RTL1: variants seen among roughly 807,000 people sequenced by gnomAD.
The protein encoded by RTL1 is retrotransposon Gag like 1.
For synonymous variants in RTL1, 727 were observed against 748.4 expected, an observed-to-expected ratio of 0.97 and a Z score of 0.47; for missense variants, 1,681 against 1,767.5, an observed-to-expected ratio of 0.95 and a Z score of 0.88.
At chr14:100,903,459 T>C (rs1273107734) in intron 1 of RTL1, among the ~76,000 whole-genome samples, 73 bp from the exon 2 acceptor site, 3 of 151,990 alleles carry the variant, frequency 2.0e-5, no homozygotes, top group Non-Finnish European at 4.4e-5. Context: ...GGCATGGAGA[T>C]TTATGGAGCC....
rs771651525 is a variant in RTL1, at chr14:100,883,996, C to T, written c.793G>A (p.Gly265Arg). The change falls in exon 4 of 4, where the codon GGA becomes AGA. Residue 265 changes from glycine to arginine, a missense_variant. Gly to Arg is a moderately radical substitution (Grantham distance 125). Coordinates refer to ENST00000649591, the MANE Select transcript of RTL1 (RefSeq NM_001134888.3). The surrounding 1 kb of genome is among the most constrained non-coding windows in gnomAD (Gnocchi z 5.9). ...ALLQENSPLI[G>R]DFPAFLEAMS... is the part of the protein sequence containing the mutation. ...GCCTCCAGGAAGGCTGGGAAGTCTCCGATCAGGGGGCTGTTTTCCTGCAGT... is the reference window on the plus strand; with the variant it reads ...GCCTCCAGGAAGGCTGGGAAGTCTCTGATCAGGGGGCTGTTTTCCTGCAGT... 111 of 1,551,574 alleles carry T rather than the reference C, an allele frequency of 7.2e-5. No individual in the cohort carries two copies. The highest frequency in any genetic ancestry group is 9.2e-5 in the Non-Finnish European group (105 of 1,147,002).
Position 100,880,833 on chromosome 14 carries a change from C to A in RTL1, c.3956G>T (p.Ser1319Ile). The A allele has an allele frequency of 6.4e-7, 1 of 1,550,610 alleles. No homozygotes were observed. The highest frequency in any genetic ancestry group is 2.4e-5 in the East Asian group (1 of 40,866). Residue 1319 changes from serine to isoleucine, a missense_variant, in exon 4 of 4, where the codon AGC becomes ATC. Physicochemically the swap from Ser to Ile is moderately radical, Grantham distance 142. Transcript: ENST00000649591. ...CCTGTAGATCAGGGTCAGGAACTGG[C>A]TCAGGGCCCTGGCTGCCTGCTCCCG... is the stretch of plus-strand genomic sequence containing the variant. ...LSREQAARAL[S>I]QFLTLIYRRA...
intron 2 of RTL1, among the ~76,000 whole-genome samples, chr14:100,896,795 G>A (rs2140054890): frequency 6.6e-6 from 1 of 152,280 alleles, no homozygotes; most frequent in East Asian, 1.9e-4. Flanking sequence ...AGCTGTCAGG[G>A]GGCACAGTGA....
intron 2 of RTL1, among the ~76,000 whole-genome samples, chr14:100,898,421 G>T (rs2038898195): frequency 6.6e-6 from 1 of 152,188 alleles, no homozygotes; most frequent in East Asian, 1.9e-4. Flanking sequence ...TTAGAGATGG[G>T]GTGGTGGGTT....
At position 100,880,810 on chromosome 14, in the gene RTL1, T is replaced by C. The variant is rs1220714905; in HGVS notation, c.3979A>G (p.Arg1327Gly). 1.9e-6 allele frequency: 3 copies of C among 1,550,636 alleles called. No homozygotes were observed. The highest frequency in any genetic ancestry group is 2.6e-6 in the Non-Finnish European group (3 of 1,146,940). The change falls in exon 4 of 4, where the codon AGG becomes GGG. Residue 1327 changes from arginine to glycine, a missense_variant. Coordinates refer to ENST00000649591, the MANE Select transcript of RTL1 (RefSeq NM_001134888.3). ...CAGGCGGGGATGGGCAGGGCCCGCC[T>C]GTAGATCAGGGTCAGGAACTGGCTC... Reference protein sequence around the residue: ...ALSQFLTLIYRRALPIPAWES... With the variant: ...ALSQFLTLIYGRALPIPAWES...
In RTL1 at chr14:100,883,673, G is replaced by C; in HGVS notation, c.1116C>G (p.Pro372=). Residue 372 remains proline (P), a synonymous_variant, in exon 4 of 4, where the codon CCC becomes CCG. Coordinates refer to ENST00000649591, the MANE Select transcript of RTL1 (RefSeq NM_001134888.3). This position sits in a 1 kb window ranked among gnomAD's most constrained non-coding sequence, Gnocchi z 5.9. ...AGGTCAGGTTCCGGGGGCGGGCCTCGGGGGGCAGCCTGAGCATAGCTCTTC... is the reference window on the plus strand; with the variant it reads ...AGGTCAGGTTCCGGGGGCGGGCCTCCGGGGGCAGCCTGAGCATAGCTCTTC... ...AERRAMLRLP[P]EARPRNLTWI... is the part of the protein sequence containing the mutation. The C allele has an allele frequency of 6.4e-7, 1 of 1,551,418 alleles. No individual in the cohort carries two copies. The highest frequency in any genetic ancestry group is 8.7e-7 in the Non-Finnish European group (1 of 1,146,986).
chr14:100,885,039 G>A (rs2038679123), intron 3 of RTL1, among the ~76,000 whole-genome samples, 165 bp from the exon 4 acceptor site: 1 of 152,218 alleles, frequency 6.6e-6, no homozygotes, highest in Non-Finnish European at 1.5e-5. Flanking sequence ...TGGTCACTTG[G>A]GGTGCCCCCA....
In RTL1 at chr14:100,880,550, A is replaced by C; in HGVS notation, c.*162T>G. ...TTAGCACAGGTGGCATTGCTGGTTG[A>C]TGAGTTGAAGAAGTTGTTGCCCTTC... On this transcript the variant is annotated 3_prime_UTR_variant, in exon 4 of 4. Coordinates refer to ENST00000649591, the MANE Select transcript of RTL1 (RefSeq NM_001134888.3). 1 of 1,368,842 alleles carries C rather than the reference A, an allele frequency of 7.3e-7. No homozygotes were observed. The highest frequency in any genetic ancestry group is 9.7e-7 in the Non-Finnish European group (1 of 1,033,224). 84.8% of individuals were successfully genotyped at this position (1,368,842 alleles called of 1,614,324 possible).
In RTL1 at chr14:100,883,345, TAC is replaced by T; in HGVS notation, c.1442_1443del (p.Cys481TyrfsTer12). ...PVWLYTEPLV[C>X]IHQNHQESIE... ...ATGGACTCCTGGTGGTTCTGGTGGATACACACCAGGGGCTCCGTGTAGAGCCA... is the reference window on the plus strand; with the variant it reads ...ATGGACTCCTGGTGGTTCTGGTGGATACACCAGGGGCTCCGTGTAGAGCCA... On this transcript the variant is annotated frameshift_variant, in exon 4 of 4. Transcript: ENST00000649591. LOFTEE classifies it low-confidence loss of function (END_TRUNC). This position sits in a 1 kb window ranked among gnomAD's most constrained non-coding sequence, Gnocchi z 5.9. 6.4e-7 allele frequency: 1 copy of T among 1,551,332 alleles called. No individual in the cohort carries two copies. The highest frequency in any genetic ancestry group is 8.7e-7 in the Non-Finnish European group (1 of 1,146,866).
intron 3 of RTL1, among the ~76,000 whole-genome samples, chr14:100,887,431 C>T (rs891779581): frequency 2.0e-5 from 3 of 152,168 alleles, no homozygotes; most frequent in South Asian, 2.1e-4. Flanking sequence ...CTACCCAAGA[C>T]AAAATTTCTG....
At position 100,882,686 on chromosome 14, in the gene RTL1, C is replaced by T. The variant is rs2038635620; in HGVS notation, c.2103G>A (p.Gln701=). 3.9e-6 allele frequency: 6 copies of T among 1,551,796 alleles called. No homozygotes were observed. The highest frequency in any genetic ancestry group is 2.0e-5 in the Admixed American group (1 of 50,978). Residue 701 remains glutamine (Q), a synonymous_variant, in exon 4 of 4, where the codon CAG becomes CAA. Transcript: ENST00000649591. ...GLELEEMKSY[Q]PFALSPDPII... ...TAGGGTCTGGGGAGAGCGCAAACGG[C>T]TGGTAGCTCTTCATCTCTTCAAGCT... is the stretch of plus-strand genomic sequence containing the variant.
chr14:100,886,657 C>A (rs144663725), intron 3 of RTL1, among the ~76,000 whole-genome samples: 1 of 151,960 alleles, frequency 6.6e-6, no homozygotes, highest in African/African-American at 2.4e-5. Flanking sequence ...CATAAAAGTC[C>A]TCTGAGATAT....
At chr14:100,892,714 G>A (rs1224695694) in intron 3 of RTL1, among the ~76,000 whole-genome samples, 1 of 152,162 alleles carries the variant, frequency 6.6e-6, no homozygotes, top group Non-Finnish European at 1.5e-5. Context: ...CCCGGGAGGG[G>A]CAGGCTGATG....
Position 100,884,500 on chromosome 14 carries a change from GGA to G in RTL1, c.287_288del (p.Leu96ProfsTer23). 1 of 1,614,202 alleles carries G rather than the reference GGA, an allele frequency of 6.2e-7. No individual in the cohort carries two copies. The highest frequency in any genetic ancestry group is 8.5e-7 in the Non-Finnish European group (1 of 1,180,022). On this transcript the variant is annotated frameshift_variant, in exon 4 of 4. Transcript: ENST00000649591. LOFTEE classifies it low-confidence loss of function (END_TRUNC). ...CCGTTGCATGACTCCTCCAGGTCTT[GGA>G]GTAGGTCATTGGGTGGATCCTCTAT... The part of the protein sequence containing the change: ...KEIEDPPNDL[L>X]QDLEESCNGS...
intron 2 of RTL1, chr14:100,897,921 G>A (rs1462760126): frequency 1.9e-6 from 1 of 513,604 alleles, no homozygotes; most frequent in Non-Finnish European, 3.9e-6. Flanking sequence ...GGGCTTTTCT[G>A]GACCAATGAT....
At chr14:100,899,887 C>A (rs981538151) in intron 2 of RTL1, among the ~76,000 whole-genome samples, 41 of 152,306 alleles carry the variant, frequency 2.7e-4, no homozygotes, top group African/African-American at 9.9e-4. Context: ...CTGAGACGGG[C>A]AGCTGCTCCC....
chr14:100,891,860 G>A (rs1012628874), intron 3 of RTL1, among the ~76,000 whole-genome samples: 2 of 152,112 alleles, frequency 1.3e-5, no homozygotes, highest in Non-Finnish European at 2.9e-5. Context: ...CTGCAGGGAG[G>A]GTTTCGGTGG....
intron 2 of RTL1, among the ~76,000 whole-genome samples, chr14:100,902,228 C>T (rs1045694204): frequency 1.3e-5 from 2 of 152,176 alleles, no homozygotes; most frequent in African/African-American, 4.8e-5. Flanking sequence ...AGCCCCCTTG[C>T]CCCCTCTGCC....
chr14:100,903,003 G>A lies in RTL1; in HGVS notation c.-149+288C>T, dbSNP rs1014169825. Among the ~76,000 whole-genome samples, 11 of 152,318 alleles carry A rather than the reference G, an allele frequency of 7.2e-5. No homozygotes were observed. The East Asian group carries it at 7.7e-4, about 11-fold the overall frequency. On this transcript the variant is annotated intron_variant, in intron 2 of 3. Transcript: ENST00000649591. ...CTTAATCGCACAAATCAAGTCAGCC[G>A]GAGGCAGCCCCCGGCCTGTGGAACT...
Sources: gnomAD v4.1 joint callset for allele counts (sites outside exome capture counted in the v4.1 genomes callset) on GRCh38, gnomAD v4.1.1 for gene constraint, Gnocchi (gnomAD v3.1) non-coding constraint, MANE v1.5 for transcripts, NCBI Gene and HGNC (gene_info 2026-07-23, HGNC 2026-07-21) for gene names.